Variants in CSMD1 observed in about 807,000 individuals in gnomAD.
CSMD1 encodes CUB and sushi domain-containing protein 1.
In CSMD1, 213 loss-of-function variants were observed where a neutral mutation model predicts 417.5. The ratio of observed to expected loss-of-function variants is 0.51; its 90% CI spans 0.46 to 0.57. The LOEUF is 0.57. CSMD1 is among the 20% of genes least tolerant of loss of function. CSMD1 has a pLI of 0.00. For synonymous variants in CSMD1, 2,862 were observed against 1,736.8 expected, an observed-to-expected ratio of 1.65 and a Z score of -16.11; for missense variants, 6,923 against 4,529.7, an observed-to-expected ratio of 1.53 and a Z score of -15.17.
At chr8:3,878,347 G>A (rs1365322135) in intron 5 of CSMD1, among the ~76,000 whole-genome samples, 5 of 152,066 alleles carry the variant, frequency 3.3e-5, no homozygotes, top group Admixed American at 6.6e-5. Flanking sequence ...TCTTACACGT[G>A]TATCTTCTTT....
intron 7 of CSMD1, among the ~76,000 whole-genome samples, chr8:3,697,927 T>C (rs1187108542): frequency 6.6e-6 from 1 of 152,208 alleles, no homozygotes; most frequent in African/African-American, 2.4e-5. Context: ...ATCAATTATA[T>C]TCTTTAATTG....
intron 3 of CSMD1, among the ~76,000 whole-genome samples, chr8:4,041,260 G>T (rs11993870): frequency 3.3e-4 from 49 of 150,286 alleles, no homozygotes; most frequent in African/African-American, 1.2e-3. Context: ...CTCGTGATCC[G>T]CCCGCCTCGG....
intron 5 of CSMD1, among the ~76,000 whole-genome samples, chr8:3,940,536 T>TGTGC (rs201177227): frequency 6.8e-6 from 1 of 147,844 alleles, no homozygotes; most frequent in African/African-American, 2.5e-5. Context: ...TGTGTGTGTG[T>TGTGC]ATGTATGTGT....
In CSMD1 at chr8:3,240,546, G is replaced by A. The variant is rs534373990; in HGVS notation, c.4154-10315C>T. ...AGGTAACAGATGAGGAAGAAATTTG[G>A]GCTTGACTGAAATAATGGGGGCTGT... On this transcript the variant is annotated intron_variant, in intron 26 of 69. Transcript: ENST00000635120. 1.2e-4 allele frequency among the ~76,000 whole-genome samples: 19 copies of A among 152,096 alleles called. No homozygotes were observed. The South Asian group carries it at 4.0e-3, about 32-fold the overall frequency.
intron 1 of CSMD1, among the ~76,000 whole-genome samples, chr8:4,853,551 G>C (rs945560368): frequency 6.6e-5 from 10 of 152,182 alleles, no homozygotes; most frequent in African/African-American, 2.4e-4. Flanking sequence ...TGAGTGCTCA[G>C]GCAGAAGGCT....
intron 2 of CSMD1, among the ~76,000 whole-genome samples, chr8:4,448,698 T>G (rs1235598837): frequency 6.6e-6 from 1 of 152,228 alleles, no homozygotes; most frequent in African/African-American, 2.4e-5. Context: ...CATATATCTT[T>G]TTTGGCATTG....
intron 17 of CSMD1, among the ~76,000 whole-genome samples, chr8:3,391,964 G>T (rs557740016): frequency 6.6e-6 from 1 of 152,056 alleles, no homozygotes; most frequent in Non-Finnish European, 1.5e-5. Context: ...TTGGGTCATG[G>T]ATGAAGCTGG....
In CSMD1 at chr8:3,982,564, T is replaced by A. The variant is rs541939956; in HGVS notation, c.818+15339A>T. Reference sequence around the variant, plus strand: ...GCACTAGGATTATGTGCACTAGAATTATGCGCCTAGTCATTTAGAATTTCA... The same window carrying A: ...GCACTAGGATTATGTGCACTAGAATAATGCGCCTAGTCATTTAGAATTTCA... On this transcript the variant is annotated intron_variant, in intron 5 of 69. Transcript: ENST00000635120. Among the ~76,000 whole-genome samples the A allele has an allele frequency of 2.0e-5, 3 of 152,122 alleles. No individual in the cohort carries two copies. In the South Asian group the frequency reaches 6.2e-4, roughly 32 times the overall value.
At position 4,004,102 on chromosome 8, in the gene CSMD1, G is replaced by A. The variant is rs562048090; in HGVS notation, c.611-5992C>T. Among the ~76,000 whole-genome samples, 14 of 152,060 alleles carry A rather than the reference G, an allele frequency of 9.2e-5. No individual in the cohort carries two copies. In the East Asian group the frequency reaches 2.5e-3, roughly 27 times the overall value. On this transcript the variant is annotated intron_variant, in intron 4 of 69. Coordinates refer to ENST00000635120, the MANE Select transcript of CSMD1 (RefSeq NM_033225.6). ...GAAAAAGCAGAACAAATTTATCTACGTTAAGCTGTATACATATGTATATTT... is the reference window on the plus strand; with the variant it reads ...GAAAAAGCAGAACAAATTTATCTACATTAAGCTGTATACATATGTATATTT...
chr8:4,323,059 A>C (rs1356246560), intron 3 of CSMD1, among the ~76,000 whole-genome samples: 3 of 152,068 alleles, frequency 2.0e-5, no homozygotes, highest in East Asian at 3.9e-4. Flanking sequence ...TGACCAGCCT[A>C]CAAATAGAGA....
intron 12 of CSMD1, among the ~76,000 whole-genome samples, chr8:3,439,272 G>T: frequency 3.3e-5 from 3 of 92,242 alleles, no homozygotes; most frequent in Non-Finnish European, 6.4e-5. Context: ...AGAGCATTTG[G>T]CAATGTCAGT....
At chr8:3,633,877 C>G (rs187566989) in intron 7 of CSMD1, among the ~76,000 whole-genome samples, 189 of 152,230 alleles carry the variant, frequency 1.2e-3, no homozygotes, top group African/African-American at 4.4e-3. Flanking sequence ...GAGAAGAAAC[C>G]TGACGTATGT....
At chr8:3,231,104 C>T (rs1459943257) in intron 26 of CSMD1, among the ~76,000 whole-genome samples, 1 of 152,108 alleles carries the variant, frequency 6.6e-6, no homozygotes, top group Non-Finnish European at 1.5e-5. Context: ...ACCAGAGTAT[C>T]CCCCATCACT....
At chr8:4,179,111 C>T (rs1167463295) in intron 3 of CSMD1, among the ~76,000 whole-genome samples, 5 of 152,150 alleles carry the variant, frequency 3.3e-5, no homozygotes, top group East Asian at 3.9e-4. Context: ...AAAGAGCCCG[C>T]ATCGCCAAGT....
rs73657828 is a variant in CSMD1 at position 3,359,416 on chromosome 8, G to C, written c.3116-76C>G. The stretch of plus-strand genomic sequence containing the variant: ...AAAGATTAAATAGCAAGAATAAAAA[G>C]TGCTATTACTAAAAAAAAAAAAAAA... On this transcript the variant is annotated intron_variant, in intron 20 of 69. Transcript: ENST00000635120. The C allele has an allele frequency of 5.2e-3, 3,856 of 739,644 alleles. 102 individuals carry two copies. In the African/African-American group the frequency reaches 0.065, roughly 12 times the overall value. The allele number at this position is 739,644 out of a possible 1,614,324, so 45.8% of individuals were successfully genotyped here. A position where few individuals can be genotyped will look rare whatever the true frequency, so the allele number is the denominator to read the frequency against.
At chr8:4,666,720 T>C (rs185096250) in intron 1 of CSMD1, among the ~76,000 whole-genome samples, 1 of 152,324 alleles carries the variant, frequency 6.6e-6, no homozygotes, top group African/African-American at 2.4e-5. Context: ...GTTTTCTTAC[T>C]GAGATTTGAG....
At chr8:3,115,203 C>T (rs1042797757) in intron 42 of CSMD1, among the ~76,000 whole-genome samples, 8 of 141,038 alleles carry the variant, frequency 5.7e-5, no homozygotes, top group Admixed American at 2.8e-4. Flanking sequence ...ATCCCCCCCC[C>T]CCCTTTTTTT....
intron 26 of CSMD1, among the ~76,000 whole-genome samples, chr8:3,251,879 G>A (rs972987281): frequency 2.0e-5 from 3 of 152,150 alleles, no homozygotes; most frequent in African/African-American, 7.2e-5. Context: ...TGTTGTTGGT[G>A]TATAAGAATG....
chr8:4,323,829 C>T (rs1040621548), intron 3 of CSMD1, among the ~76,000 whole-genome samples: 1 of 152,260 alleles, frequency 6.6e-6, no homozygotes, highest in African/African-American at 2.4e-5. Context: ...TAATAACCTC[C>T]TCCAGGTGCC....
Sources: gnomAD v4.1 joint callset for allele counts (sites outside exome capture counted in the v4.1 genomes callset) on GRCh38, gnomAD v4.1.1 for gene constraint, MANE v1.5 for transcripts, NCBI Gene and HGNC (gene_info 2026-07-23, HGNC 2026-07-21) for gene names.